Variants in TMEM255A observed in about 807,000 individuals in gnomAD.
TMEM255A encodes the protein transmembrane protein 255A.
Under a neutral mutation model 23.5 loss-of-function variants are expected in TMEM255A, and 14 were observed. That is an observed-to-expected ratio of 0.60 (90% CI 0.39 to 0.93). TMEM255A has a LOEUF of 0.93. Among genes scored for constraint, TMEM255A ranks in the 40% least tolerant of loss-of-function variants. The pLI, the probability that TMEM255A is intolerant of heterozygous loss-of-function variation, is 0.00. For missense variants in TMEM255A, 233 were observed against 261.7 expected (o/e 0.89, Z 0.76); for synonymous variants, 104 against 100.3 (o/e 1.04, Z -0.22).
At chrX:120,279,994 C>T (rs1179469470) in intron 6 of TMEM255A, among the ~76,000 whole-genome samples, 154 of 58,226 alleles carry the variant, frequency 2.6e-3, no homozygotes, top group Middle Eastern at 0.01. Context: ...CTTTCCTTTT[C>T]TTTCTTTTTT....
At chrX:120,294,253 T>C (rs5910819) in intron 2 of TMEM255A, among the ~76,000 whole-genome samples, 34,361 of 106,947 alleles carry the variant, frequency 0.32, 4,564 homozygotes, top group East Asian at 0.57. Context: ...GCTAAAACGG[T>C]GAAACCCCGT....
At chrX:120,255,296 A>T (rs1556015228), downstream of TMEM255A, 1 of 1,211,752 alleles carries the variant, frequency 8.3e-7, no homozygotes, top group Admixed American at 2.2e-5. Flanking sequence ...AACCTCCAGT[A>T]GGGACCACTA....
downstream of TMEM255A, chrX:120,257,052 G>GT: frequency 8.2e-6 from 1 of 122,456 alleles, no homozygotes; most frequent in East Asian, 2.8e-4. Context: ...GTAGCTGAGG[G>GT]TATCAGGCAT....
chrX:120,252,502 A>C, the TMEM255A span, among the ~76,000 whole-genome samples: 9 of 112,079 alleles, frequency 8.0e-5, no homozygotes, highest in Non-Finnish European at 1.7e-4. Context: ...GTCTATTCCA[A>C]TAAGTTAATG....
intron 2 of TMEM255A, 122 bp downstream of exon 2, chrX:120,304,227 A>G: frequency 1.3e-6 from 1 of 767,778 alleles, no homozygotes; most frequent in Non-Finnish European, 1.9e-6. Context: ...ATATACAGAG[A>G]TACAAAGGAG....
intron 1 of TMEM255A, among the ~76,000 whole-genome samples, chrX:120,306,847 C>T (rs1415203649): frequency 8.9e-6 from 1 of 111,989 alleles, no homozygotes; most frequent in Non-Finnish European, 1.9e-5. Context: ...CTCAGCAAAC[C>T]ACATAGTGTC....
At chrX:120,280,000 T>C in intron 6 of TMEM255A, among the ~76,000 whole-genome samples, 1 of 4,383 alleles carries the variant, frequency 2.3e-4, no homozygotes, top group Non-Finnish European at 5.2e-4. Context: ...TTTTCTTTCT[T>C]TTTTTTTTTT....
intron 7 of TMEM255A, among the ~76,000 whole-genome samples, chrX:120,275,696 A>C (rs1276847369): frequency 9.1e-6 from 1 of 110,137 alleles, no homozygotes; most frequent in East Asian, 2.8e-4. Context: ...CTTAAAAAAA[A>C]AAAACCAAAA....
At chrX:120,278,676 A>G (rs1253079805) in intron 6 of TMEM255A, among the ~76,000 whole-genome samples, 1 of 112,616 alleles carries the variant, frequency 8.9e-6, no homozygotes, top group Non-Finnish European at 1.9e-5. Context: ...TAGGATGATT[A>G]TTACATGTGA....
chrX:120,310,938 C>T, intron 1 of TMEM255A, among the ~76,000 whole-genome samples: 1 of 109,613 alleles, frequency 9.1e-6, no homozygotes, highest in Non-Finnish European at 1.9e-5. Flanking sequence ...TGTTTTGATC[C>T]TCAGATTGCT....
At position 120,296,862 on chromosome X, in the gene TMEM255A, A is replaced by ATT. The variant is rs1268446716; in HGVS notation, c.202-2812_202-2811insAA. ...ATAATATATATCATATATAATATAT[A>ATT]ATATATTATATATCATATATATTAT... is the stretch of plus-strand genomic sequence containing the variant. On this transcript the variant is annotated intron_variant, in intron 2 of 8. Coordinates refer to ENST00000371369, the MANE Select transcript of TMEM255A (RefSeq NM_001104544.3). Among the ~76,000 whole-genome samples, 9 of 1,775 alleles carry ATT rather than the reference A, an allele frequency of 5.1e-3. 1 individual carries two copies. Among genetic ancestry groups the ATT allele is most frequent in the Non-Finnish European group, 7.7e-3 (9 of 1,168 alleles). 1.5% of individuals were successfully genotyped at this position (1,775 alleles called of 115,157 possible).
At chrX:120,255,061 G>A (rs782158694), downstream of TMEM255A, 1 of 1,211,916 alleles carries the variant, frequency 8.3e-7, no homozygotes, top group East Asian at 3.0e-5. Context: ...GGGGAGCGAA[G>A]GTATCAGTGT....
At chrX:120,254,142 A>G, downstream of TMEM255A, 3 of 1,211,617 alleles carry the variant, frequency 2.5e-6, no homozygotes, top group Non-Finnish European at 3.4e-6. Context: ...TTTAACAAAT[A>G]TCACACCTAC....
intron 5 of TMEM255A, chrX:120,285,915 C>G: frequency 8.5e-7 from 1 of 1,177,664 alleles, no homozygotes; most frequent in Non-Finnish European, 1.1e-6. Flanking sequence ...AATTGTCCAG[C>G]TCTCTCCCCC....
At chrX:120,305,121 A>T in intron 1 of TMEM255A, among the ~76,000 whole-genome samples, 1 of 111,560 alleles carries the variant, frequency 9.0e-6, no homozygotes, top group Middle Eastern at 4.6e-3. Context: ...AAAGATATGT[A>T]TCGGGGGAGT....
At position 120,311,401 on chromosome X, in the gene TMEM255A, C is replaced by T. The variant is rs1319339270; in HGVS notation, c.-92G>A. The T allele has an allele frequency of 1.3e-6, 1 of 744,865 alleles. No individual in the cohort carries two copies. The highest frequency in any genetic ancestry group is 2.1e-5 in the African/African-American group (1 of 47,582). The allele number at this position is 744,865 out of a possible 1,213,427, so 61.4% of individuals were successfully genotyped here. ...GCAGAGCATCCTACTCCGCGGTTGC[C>T]TCTCTCGGTCCTTCCGAGAGCTGAG... On this transcript the variant is annotated 5_prime_UTR_variant, in exon 1 of 9. Transcript: ENST00000371369.
chrX:120,291,088 G>A (rs1308885456), intron 4 of TMEM255A, among the ~76,000 whole-genome samples, 163 bp downstream of exon 4: 1 of 111,429 alleles, frequency 9.0e-6, no homozygotes, highest in Non-Finnish European at 1.9e-5. Context: ...GTGTCCATTG[G>A]TGTCTTCACC....
Position 120,311,418 on chromosome X carries a change from AG to A in TMEM255A, c.-110del. 4.8e-6 allele frequency: 3 copies of A among 620,423 alleles called. No homozygotes were observed. Among genetic ancestry groups the A allele is most frequent in the Non-Finnish European group, 7.9e-6 (3 of 379,595 alleles). 51.1% of individuals were successfully genotyped at this position (620,423 alleles called of 1,213,427 possible). A position where few individuals can be genotyped will look rare whatever the true frequency, so the allele number is the denominator to read the frequency against. On this transcript the variant is annotated 5_prime_UTR_variant, in exon 1 of 9. Coordinates refer to ENST00000371369, the MANE Select transcript of TMEM255A (RefSeq NM_001104544.3). ...GCGGTTGCCTCTCTCGGTCCTTCCGAGAGCTGAGAGACACTGCCTCTGGTTG... is the reference window on the plus strand; with the variant it reads ...GCGGTTGCCTCTCTCGGTCCTTCCGAAGCTGAGAGACACTGCCTCTGGTTG...
chrX:120,267,191 C>T (rs1164461405), intron 8 of TMEM255A, among the ~76,000 whole-genome samples: 5 of 112,139 alleles, frequency 4.5e-5, no homozygotes, highest in African/African-American at 1.3e-4. Flanking sequence ...CCTCTCTGAA[C>T]GGTATCTAAA....
Sources: allele counts gnomAD v4.1 joint callset (sites outside exome capture counted in the v4.1 genomes callset), GRCh38; gene constraint gnomAD v4.1.1; transcripts MANE v1.5; gene names NCBI Gene and HGNC (gene_info 2026-07-23, HGNC 2026-07-21).